KCNK9: variants seen among roughly 807,000 people sequenced by gnomAD.
KCNK9 encodes potassium channel subfamily K member 9.
KCNK9 carries 1 observed loss-of-function variant against 10.8 expected under a neutral mutation model. The observed-to-expected ratio is 0.09, with a 90% CI of 0.03 to 0.44. KCNK9 has a LOEUF of 0.44. Ranked by LOEUF, KCNK9 falls within the 20% of genes least tolerant of loss-of-function variation. KCNK9 has a pLI of 0.97. For missense variants in KCNK9, 303 were observed against 515.0 expected, an observed-to-expected ratio of 0.59 and a Z score of 3.98; for synonymous variants, 231 against 222.7, an observed-to-expected ratio of 1.04 and a Z score of -0.33.
intron 1 of KCNK9, among the ~76,000 whole-genome samples, chr8:139,668,051 A>C (rs1343010826): frequency 6.6e-6 from 1 of 152,172 alleles, no homozygotes; most frequent in Non-Finnish European, 1.5e-5. Context: ...AAGCAAGTCT[A>C]TTGGCACCAT....
At position 139,654,211 on chromosome 8, in the gene KCNK9, G is replaced by A. The variant is rs140656758; in HGVS notation, c.284-35112C>T. Among the ~76,000 whole-genome samples, 290 of 152,380 alleles carry A rather than the reference G, an allele frequency of 1.9e-3. 3 individuals carry two copies. Among genetic ancestry groups the A allele is most frequent in the African/African-American group, 6.7e-3 (278 of 41,594 alleles). ...TCTGAATTTTCTGCCTGTATATCCA[G>A]CGAAGGCTCTGGGGAGCATTTTTAA... On this transcript the variant is annotated intron_variant, in intron 1 of 1. Transcript: ENST00000520439.
intron 1 of KCNK9, among the ~76,000 whole-genome samples, chr8:139,659,798 G>A (rs1305930514): frequency 2.0e-5 from 3 of 151,348 alleles, no homozygotes; most frequent in East Asian, 1.9e-4. Flanking sequence ...CTGGGAATAC[G>A]GGCGTGAGCC....
intron 1 of KCNK9, 113 bp from the exon 2 acceptor site, chr8:139,619,212 T>G: frequency 8.4e-7 from 1 of 1,192,320 alleles, no homozygotes; most frequent in Non-Finnish European, 1.2e-6. Flanking sequence ...GACCTGGTAC[T>G]GGGGGAATTT....
At chr8:139,626,351 G>T (rs1814974541) in intron 1 of KCNK9, among the ~76,000 whole-genome samples, 2 of 152,166 alleles carry the variant, frequency 1.3e-5, no homozygotes, top group Non-Finnish European at 2.9e-5. Flanking sequence ...TGCCTCTGCA[G>T]CATTACTACC....
intron 1 of KCNK9, among the ~76,000 whole-genome samples, chr8:139,683,601 G>A (rs1323652925): frequency 2.0e-5 from 3 of 152,220 alleles, no homozygotes; most frequent in Non-Finnish European, 2.9e-5. Context: ...AGGTCTGCCC[G>A]AGGGGTTGGA....
chr8:139,703,070 G>GGCCGCCGCCGCCTCC lies in KCNK9; in HGVS notation c.-93_-79dup. The GGCCGCCGCCGCCTCC allele has an allele frequency of 1.6e-6, 2 of 1,265,724 alleles. No individual in the cohort carries two copies. The allele number at this position is 1,265,724 out of a possible 1,614,324, so 78.4% of individuals were successfully genotyped here. A position where few individuals can be genotyped will look rare whatever the true frequency, so the allele number is the denominator to read the frequency against. On this transcript the variant is annotated 5_prime_UTR_variant, in exon 1 of 2. Coordinates refer to ENST00000520439, the MANE Select transcript of KCNK9 (RefSeq NM_001282534.2). The surrounding 1 kb of genome is among the most constrained non-coding windows in gnomAD (Gnocchi z 6.4). The stretch of plus-strand genomic sequence containing the variant: ...CGCGCGTCCCACTGCAGCGCCCGGC[G>GGCCGCCGCCGCCTCC]GCCGCCGCCGCCTCCTCCTCCGCCG...
chr8:139,690,559 A>T (rs949952368), intron 1 of KCNK9, among the ~76,000 whole-genome samples: 1 of 152,200 alleles, frequency 6.6e-6, no homozygotes, highest in African/African-American at 2.4e-5. Context: ...AGGTTCAGTG[A>T]TGCTGCCATC....
At chr8:139,675,542 C>T (rs930160557) in intron 1 of KCNK9, among the ~76,000 whole-genome samples, 4 of 152,152 alleles carry the variant, frequency 2.6e-5, no homozygotes, top group Non-Finnish European at 5.9e-5. Flanking sequence ...CATCTGTAAC[C>T]GAAAGAGGGC....
At chr8:139,688,269 C>T (rs1198957913) in intron 1 of KCNK9, among the ~76,000 whole-genome samples, 8 of 152,204 alleles carry the variant, frequency 5.3e-5, no homozygotes, top group Non-Finnish European at 8.8e-5. Flanking sequence ...TGTCTTAATC[C>T]GTTCTCACAC....
At chr8:139,602,871 A>G (rs1251746275) in intron 2 of KCNK9, among the ~76,000 whole-genome samples, 8 of 152,184 alleles carry the variant, frequency 5.3e-5, no homozygotes, top group Non-Finnish European at 8.8e-5. Flanking sequence ...AGAAAGGGAG[A>G]GTAAAACCTT....
At chr8:139,643,918 C>T (rs1378491411) in intron 1 of KCNK9, among the ~76,000 whole-genome samples, 1 of 152,250 alleles carries the variant, frequency 6.6e-6, no homozygotes, top group East Asian at 1.9e-4. Flanking sequence ...TCTTCCCACA[C>T]CTGCCCTGGA....
intron 1 of KCNK9, among the ~76,000 whole-genome samples, chr8:139,631,173 C>G (rs1815161148): frequency 6.6e-6 from 1 of 152,274 alleles, no homozygotes; most frequent in Admixed American, 6.5e-5. Flanking sequence ...CTTTCTTTCT[C>G]ATAGATGAGA....
chr8:139,673,680 G>T lies in KCNK9; in HGVS notation c.283+29030C>A. Reference sequence around the variant, plus strand: ...AGCAAAATGTCAGCTCTACACATTTGGGATAGTGGGTTAAGCCCCTTTGCA... The same window carrying T: ...AGCAAAATGTCAGCTCTACACATTTTGGATAGTGGGTTAAGCCCCTTTGCA... On this transcript the variant is annotated intron_variant, in intron 1 of 1. Transcript: ENST00000520439. Among the ~76,000 whole-genome samples the T allele has an allele frequency of 1.3e-5, 2 of 152,226 alleles. 1 individual carries two copies. The highest frequency in any genetic ancestry group is 2.9e-5 in the Non-Finnish European group (2 of 68,038).
chr8:139,645,762 G>T (rs1451120033), intron 1 of KCNK9, among the ~76,000 whole-genome samples: 1 of 152,184 alleles, frequency 6.6e-6, no homozygotes, highest in Non-Finnish European at 1.5e-5. Context: ...CCTGCCCCGT[G>T]CAAGGCCCCA....
chr8:139,677,211 G>A lies in KCNK9; in HGVS notation c.283+25499C>T, dbSNP rs536235622. ...TGCTGGGCACAGCAGGTGGTGTAGC[G>A]GCTGCACCTGTGCCTGTGCTGGGTG... is the stretch of plus-strand genomic sequence containing the variant. On this transcript the variant is annotated intron_variant, in intron 1 of 1. Coordinates refer to ENST00000520439, the MANE Select transcript of KCNK9 (RefSeq NM_001282534.2). Among the ~76,000 whole-genome samples, 74 of 152,160 alleles carry A rather than the reference G, an allele frequency of 4.9e-4. No homozygotes were observed. The South Asian group carries it at 0.013, about 27-fold the overall frequency.
downstream of KCNK9, among the ~76,000 whole-genome samples, chr8:139,615,121 G>T (rs955765826): frequency 2.6e-5 from 4 of 152,212 alleles, no homozygotes; most frequent in Non-Finnish European, 5.9e-5. Context: ...CTGGGGCTAA[G>T]AAACTAAAAT....
chr8:139,665,028 C>T (rs909039604), intron 1 of KCNK9, among the ~76,000 whole-genome samples: 5 of 152,212 alleles, frequency 3.3e-5, no homozygotes, highest in African/African-American at 1.2e-4. Flanking sequence ...GGTAACCAGG[C>T]CCAGGCGGCC....
chr8:139,609,946 G>C (rs1814367431), downstream of KCNK9, among the ~76,000 whole-genome samples: 1 of 152,118 alleles, frequency 6.6e-6, no homozygotes, highest in Non-Finnish European at 1.5e-5. Flanking sequence ...AGGCCCAGAG[G>C]AGTGGGATGT....
intron 1 of KCNK9, among the ~76,000 whole-genome samples, chr8:139,673,845 T>A (rs534035243): frequency 4.6e-5 from 7 of 152,222 alleles, no homozygotes; most frequent in Non-Finnish European, 1.0e-4. Flanking sequence ...AGGATCATGC[T>A]GAGCCAGCAT....
Sources: allele counts gnomAD v4.1 joint callset (sites outside exome capture counted in the v4.1 genomes callset), GRCh38; gene constraint gnomAD v4.1.1; non-coding constraint Gnocchi (gnomAD v3.1); transcripts MANE v1.5; gene names NCBI Gene and HGNC (gene_info 2026-07-23, HGNC 2026-07-21).